FRMD4B: variants seen among roughly 807,000 people sequenced by gnomAD.
The protein encoded by FRMD4B is FERM domain containing 4B, also known as FERM domain-containing protein 4B.
In FRMD4B, 74 loss-of-function variants were observed where a neutral mutation model predicts 141.5. The observed-to-expected ratio is 0.52, with a 90% confidence interval of 0.43 to 0.63. FRMD4B has a LOEUF of 0.63. Among genes scored for constraint, FRMD4B ranks in the 30% least tolerant of loss-of-function variants. The probability of loss-of-function intolerance (pLI) is 0.00; values close to 1 mark genes in which losing one functional copy is unlikely to be tolerated. For synonymous variants in FRMD4B, 506 were observed against 467.9 expected (o/e 1.08, Z -1.05); for missense variants, 1,366 against 1,253.4 (o/e 1.09, Z -1.36).
At chr3:69,251,483 T>C (rs911448481) in intron 5 of FRMD4B, among the ~76,000 whole-genome samples, 1 of 152,156 alleles carries the variant, frequency 6.6e-6, no homozygotes, top group East Asian at 1.9e-4. Context: ...TTAAAACCCA[T>C]AAAATAAAAT....
chr3:69,400,714 C>T (rs1704549699), intron 2 of FRMD4B, among the ~76,000 whole-genome samples: 2 of 152,164 alleles, frequency 1.3e-5, no homozygotes, highest in Non-Finnish European at 2.9e-5. Context: ...TCTTAATTTG[C>T]CCTGATTCAA....
intron 2 of FRMD4B, among the ~76,000 whole-genome samples, chr3:69,422,218 C>T (rs1014345513): frequency 2.5e-4 from 38 of 151,946 alleles, no homozygotes. Flanking sequence ...ATGGTGAAAC[C>T]CCGTCTCCAC....
chr3:69,536,514 C>A lies in FRMD4B; in HGVS notation c.-129+5692G>T, dbSNP rs776501574. The A allele has an allele frequency of 1.5e-4, 104 of 697,904 alleles. 1 individual carries two copies. The Middle Eastern group carries it at 1.9e-3, about 13-fold the overall frequency. 43.2% of individuals were successfully genotyped at this position (697,904 alleles called of 1,614,324 possible). On this transcript the variant is annotated intron_variant, in intron 1 of 5. Transcript: ENST00000459638. Reference sequence around the variant, plus strand: ...CCTAGCGCTACTCCCCAGCCTGCAGCGCCTCTACCACCGTGCGGGGGGTGG... The same window carrying A: ...CCTAGCGCTACTCCCCAGCCTGCAGAGCCTCTACCACCGTGCGGGGGGTGG...
rs572003059 is a variant in FRMD4B at position 69,491,502 on chromosome 3, T to C, written c.-129+50704A>G. Among the ~76,000 whole-genome samples the C allele has an allele frequency of 5.9e-5, 9 of 152,334 alleles. No homozygotes were observed. In the South Asian group the frequency reaches 1.5e-3, roughly 25 times the overall value. On this transcript the variant is annotated intron_variant, in intron 1 of 5. Coordinates refer to the FRMD4B transcript ENST00000459638. ...GAATCAACACAAAGAAAATGACACC[T>C]ATTTGCAATTAAAGAAAACTTTACA...
intron 3 of FRMD4B, among the ~76,000 whole-genome samples, chr3:69,303,441 A>G (rs929497071): frequency 6.6e-6 from 1 of 152,242 alleles, no homozygotes; most frequent in Non-Finnish European, 1.5e-5. Flanking sequence ...GGCGATTTTA[A>G]AAATTAAACA....
At chr3:69,492,927 A>G (rs895501991) in intron 1 of FRMD4B, among the ~76,000 whole-genome samples, 2 of 152,164 alleles carry the variant, frequency 1.3e-5, no homozygotes, top group Non-Finnish European at 2.9e-5. Context: ...TATTTTATGT[A>G]TGAGTGTTTC....
At chr3:69,533,205 G>A (rs1190362820) in intron 1 of FRMD4B, among the ~76,000 whole-genome samples, 1 of 152,158 alleles carries the variant, frequency 6.6e-6, no homozygotes, top group African/African-American at 2.4e-5. Flanking sequence ...GTCTCATTTG[G>A]AACAAGATGA....
chr3:69,263,723 T>C (rs1483799849), intron 5 of FRMD4B, among the ~76,000 whole-genome samples: 2 of 151,782 alleles, frequency 1.3e-5, no homozygotes, highest in Non-Finnish European at 2.9e-5. Flanking sequence ...ATATGCACTT[T>C]TTAATATGTA....
At chr3:69,307,152 C>T (rs1701422807) in intron 3 of FRMD4B, among the ~76,000 whole-genome samples, 1 of 152,034 alleles carries the variant, frequency 6.6e-6, no homozygotes, top group African/African-American at 2.4e-5. Context: ...CCGGGGAGTG[C>T]ACAGAGGACA....
rs2107593767 is a variant in FRMD4B at position 69,181,167 on chromosome 3, C to T, written c.2583G>A (p.Glu861=). 2 of 1,613,998 alleles carry T rather than the reference C, an allele frequency of 1.2e-6. No individual in the cohort carries two copies. The highest frequency in any genetic ancestry group is 1.1e-5 in the South Asian group (1 of 91,086). Reference sequence around the variant, plus strand: ...ATGGGTTATGGGGTACCCGGTCGACCTCATCTTCGTGAAAGGATCTGCTGT... The same window carrying T: ...ATGGGTTATGGGGTACCCGGTCGACTTCATCTTCGTGAAAGGATCTGCTGT... ...RDYSRSFHED[E]VDRVPHNPYA... is the part of the protein sequence containing the mutation. Residue 861 remains glutamate (E), a synonymous_variant, in exon 21 of 23, where the codon GAG becomes GAA. Coordinates refer to ENST00000398540, the MANE Select transcript of FRMD4B (RefSeq NM_015123.3).
intron 1 of FRMD4B, among the ~76,000 whole-genome samples, chr3:69,329,982 C>T (rs760573124): frequency 2.0e-5 from 3 of 152,088 alleles, no homozygotes; most frequent in Admixed American, 2.0e-4. Context: ...GCATAGCTCA[C>T]TGATGAAGGT....
intron 1 of FRMD4B, among the ~76,000 whole-genome samples, chr3:69,340,637 T>C (rs1416332918): frequency 6.6e-6 from 1 of 152,232 alleles, no homozygotes; most frequent in East Asian, 1.9e-4. Context: ...CCTTGATACC[T>C]GGTTTCCTGA....
At chr3:69,386,408 G>A (rs554236011), upstream of FRMD4B, 1 of 161,398 alleles carries the variant, frequency 6.2e-6, no homozygotes, top group African/African-American at 2.4e-5. Context: ...CAGCACACTT[G>A]GCTTCCACGT....
At chr3:69,178,813 C>A in intron 21 of FRMD4B, among the ~76,000 whole-genome samples, 1 of 150,568 alleles carries the variant, frequency 6.6e-6, no homozygotes, top group East Asian at 1.9e-4. Context: ...AGGATGATAA[C>A]AATAAGCATA....
intron 1 of FRMD4B, among the ~76,000 whole-genome samples, chr3:69,505,052 TG>T (rs1706572263): frequency 6.6e-6 from 1 of 150,836 alleles, no homozygotes; most frequent in Admixed American, 6.7e-5. Flanking sequence ...TCAGAGACTC[TG>T]ATGGACAAGG....
chr3:69,310,385 G>C, intron 3 of FRMD4B: 1 of 438,238 alleles, frequency 2.3e-6, no homozygotes, highest in Admixed American at 2.4e-5. Context: ...TGGATGGTTG[G>C]CCAACATATT....
chr3:69,185,035 G>A (rs1003903093), intron 19 of FRMD4B, among the ~76,000 whole-genome samples: 1 of 152,144 alleles, frequency 6.6e-6, no homozygotes, highest in Admixed American at 6.5e-5. Flanking sequence ...CTGGCGCGGT[G>A]GCTCATGCCT....
At chr3:69,205,566 C>G (rs2093016590) in intron 11 of FRMD4B, among the ~76,000 whole-genome samples, 1 of 152,014 alleles carries the variant, frequency 6.6e-6, no homozygotes, top group Admixed American at 6.6e-5. Context: ...TGCACCCCTC[C>G]CACTCCTCCC....
intron 1 of FRMD4B, among the ~76,000 whole-genome samples, chr3:69,375,946 A>C (rs978215918): frequency 6.6e-6 from 1 of 152,238 alleles, no homozygotes; most frequent in African/African-American, 2.4e-5. Context: ...TTTGGAAATA[A>C]CTTATGTCTA....
Sources: gnomAD v4.1 joint callset for allele counts (sites outside exome capture counted in the v4.1 genomes callset) on GRCh38, gnomAD v4.1.1 for gene constraint, MANE v1.5 for transcripts, NCBI Gene and HGNC (gene_info 2026-07-23, HGNC 2026-07-21) for gene names.